Variants in PCDHA11 observed in about 807,000 individuals in gnomAD.
PCDHA11 encodes protocadherin alpha-11.
In PCDHA11, 61 loss-of-function variants were observed where a neutral mutation model predicts 70.3. That is an observed-to-expected ratio of 0.87 (90% CI 0.71 to 1.07). PCDHA11 has a LOEUF of 1.07. Among genes scored for constraint, PCDHA11 ranks in the 50% least tolerant of loss-of-function variants. The pLI is 0.00. For synonymous variants in PCDHA11, 633 were observed against 555.1 expected, an observed-to-expected ratio of 1.14 and a Z score of -1.97; for missense variants, 1,324 against 1,237.5, an observed-to-expected ratio of 1.07 and a Z score of -1.05.
At chr5:140,929,373 C>T (rs1563116244) in intron 1 of PCDHA11, 1 of 1,514,818 alleles carries the variant, frequency 6.6e-7, no homozygotes, top group Non-Finnish European at 8.8e-7. Context: ...GAGATGGCTG[C>T]TAGCTGTGTT....
At chr5:140,969,293 C>A in intron 1 of PCDHA11, 1 of 1,614,186 alleles carries the variant, frequency 6.2e-7, no homozygotes, top group Non-Finnish European at 8.5e-7. Flanking sequence ...TGCTGGGAAC[C>A]TGATTATTCT....
chr5:140,893,958 T>C (rs1391607597), intron 1 of PCDHA11, among the ~76,000 whole-genome samples: 2 of 152,228 alleles, frequency 1.3e-5, no homozygotes, highest in African/African-American at 4.8e-5. Flanking sequence ...ACTTTATTAG[T>C]CATTAGATAC....
chr5:140,999,922 C>T (rs2097883458), intron 3 of PCDHA11, among the ~76,000 whole-genome samples: 1 of 152,154 alleles, frequency 6.6e-6, no homozygotes, highest in Non-Finnish European at 1.5e-5. Context: ...AATCTTCTTC[C>T]AGCTCAACTC....
intron 1 of PCDHA11, chr5:140,882,343 G>A: frequency 6.2e-7 from 1 of 1,614,198 alleles, no homozygotes; most frequent in Non-Finnish European, 8.5e-7. Context: ...CAGCCTGGGA[G>A]ACGGGTAGTG....
At chr5:140,877,299 C>G (rs374061607) in intron 1 of PCDHA11, 2 of 1,613,924 alleles carry the variant, frequency 1.2e-6, no homozygotes, top group Admixed American at 1.7e-5. Context: ...GGCTGTCCTA[C>G]GAGTTGCAAC....
intron 1 of PCDHA11, among the ~76,000 whole-genome samples, chr5:140,896,733 C>T (rs920661983): frequency 2.0e-5 from 3 of 151,970 alleles, no homozygotes; most frequent in Non-Finnish European, 2.9e-5. Flanking sequence ...TGTTTAAGTT[C>T]CTTATAGATT....
At chr5:140,913,523 T>G (rs2076374733) in intron 1 of PCDHA11, among the ~76,000 whole-genome samples, 2 of 152,156 alleles carry the variant, frequency 1.3e-5, no homozygotes, top group Admixed American at 6.5e-5. Context: ...TATTTATCTT[T>G]TCAAAAGATT....
intron 1 of PCDHA11, among the ~76,000 whole-genome samples, chr5:140,903,156 T>G (rs1287323901): frequency 6.6e-6 from 1 of 152,232 alleles, no homozygotes; most frequent in Non-Finnish European, 1.5e-5. Flanking sequence ...CCATAGTGGT[T>G]GTGCTGGTTT....
intron 3 of PCDHA11, among the ~76,000 whole-genome samples, chr5:141,008,809 C>A (rs1397377778): frequency 6.6e-6 from 1 of 152,160 alleles, no homozygotes; most frequent in African/African-American, 2.4e-5. Flanking sequence ...CAAATAGGCT[C>A]AATTTACAAC....
chr5:140,901,196 C>T (rs1294830498), intron 1 of PCDHA11, among the ~76,000 whole-genome samples: 7 of 152,222 alleles, frequency 4.6e-5, no homozygotes, highest in African/African-American at 1.7e-4. Flanking sequence ...CTTTTCTGTG[C>T]AGAAGGTTTT....
rs782212623 is a variant in PCDHA11 at position 140,927,250 on chromosome 5, A to G, written c.2392-51699A>G. On this transcript the variant is annotated intron_variant, in intron 1 of 3. Coordinates refer to ENST00000398640, the MANE Select transcript of PCDHA11 (RefSeq NM_018902.5). ...GATTCACGTCCTGGACACCAATGACAACTCACCTCTCTTTCCTGCCGGCGA... is the reference window on the plus strand; with the variant it reads ...GATTCACGTCCTGGACACCAATGACGACTCACCTCTCTTTCCTGCCGGCGA... 1.9e-6 allele frequency: 3 copies of G among 1,614,046 alleles called. 1 individual carries two copies. The highest frequency in any genetic ancestry group is 2.5e-6 in the Non-Finnish European group (3 of 1,180,004).
At chr5:140,943,278 G>A (rs246067) in intron 1 of PCDHA11, among the ~76,000 whole-genome samples, 37,737 of 121,894 alleles carry the variant, frequency 0.31, 6,744 homozygotes, top group East Asian at 0.43. Flanking sequence ...AAAAAAAAAA[G>A]AAAGAAAGAA....
chr5:140,875,832 C>T, intron 1 of PCDHA11: 1 of 1,614,086 alleles, frequency 6.2e-7, no homozygotes, highest in Middle Eastern at 1.6e-4. Flanking sequence ...TCCATGTGGA[C>T]GTGGAGGTGA....
At chr5:140,928,836 C>T (rs1554206380) in intron 1 of PCDHA11, 1 of 1,614,168 alleles carries the variant, frequency 6.2e-7, no homozygotes. Context: ...CACTTTCCTC[C>T]TCTGTCACTC....
intron 1 of PCDHA11, chr5:140,928,465 G>A: frequency 6.2e-7 from 1 of 1,614,168 alleles, no homozygotes; most frequent in Non-Finnish European, 8.5e-7. Context: ...TCATTTCCAA[G>A]TAGAAGGCCG....
chr5:140,969,037 C>T (rs1554231375), intron 1 of PCDHA11: 1 of 1,614,158 alleles, frequency 6.2e-7, no homozygotes, highest in South Asian at 1.1e-5. Flanking sequence ...CAGAACTGTA[C>T]AAACAAGCCA....
At position 140,941,246 on chromosome 5, in the gene PCDHA11, T is replaced by TCCTTC. The variant is rs1465255424; in HGVS notation, c.2392-37702_2392-37701insCTTCC. Among the ~76,000 whole-genome samples, 4 of 141,078 alleles carry TCCTTC rather than the reference T, an allele frequency of 2.8e-5. No individual in the cohort carries two copies. In the East Asian group the frequency reaches 8.2e-4, roughly 29 times the overall value. 92.6% of individuals were successfully genotyped at this position (141,078 alleles called of 152,430 possible). On this transcript the variant is annotated intron_variant, in intron 1 of 3. Coordinates refer to ENST00000398640, the MANE Select transcript of PCDHA11 (RefSeq NM_018902.5). Reference sequence around the variant, plus strand: ...TTCTTTCTTTCTTTCTTTCTTTCTTTCTTTCTTTCTCTTTCTTTCTTTCTT... The same window carrying TCCTTC: ...TTCTTTCTTTCTTTCTTTCTTTCTTTCCTTCCTTTCTTTCTCTTTCTTTCTTTCTT...
intron 1 of PCDHA11, among the ~76,000 whole-genome samples, chr5:140,881,750 C>T (rs1161973911): frequency 6.6e-6 from 1 of 152,092 alleles, no homozygotes; most frequent in Non-Finnish European, 1.5e-5. Flanking sequence ...AGGACAGTAC[C>T]ACAAAAACCT....
At chr5:140,882,584 C>G (rs1554174685) in intron 1 of PCDHA11, 5 of 1,614,238 alleles carry the variant, frequency 3.1e-6, no homozygotes, top group South Asian at 1.1e-5. Flanking sequence ...CAGCATCCAC[C>G]TGGAGGTGAT....
Sources: allele counts gnomAD v4.1 joint callset (sites outside exome capture counted in the v4.1 genomes callset), GRCh38; gene constraint gnomAD v4.1.1; transcripts MANE v1.5; gene names NCBI Gene and HGNC (gene_info 2026-07-23, HGNC 2026-07-21).